The following WAPL variants were observed in gnomAD, a reference collection of about 807,000 sequenced individuals.
WAPL encodes WAPL cohesin release factor, also known as wings apart-like protein homolog.
Under a neutral mutation model 121.0 loss-of-function variants are expected in WAPL, and 5 were observed. The observed-to-expected ratio is 0.04, with a 90% confidence interval of 0.02 to 0.09. The LOEUF (loss-of-function observed/expected upper bound fraction) is 0.09, where lower values mean the gene tolerates loss of function less well. Ranked by LOEUF, WAPL falls within the 10% of genes least tolerant of loss-of-function variation. WAPL has a pLI of 1.00. For synonymous variants in WAPL, 480 were observed against 481.5 expected, an observed-to-expected ratio of 1.00 and a Z score of 0.04; for missense variants, 999 against 1,410.8, an observed-to-expected ratio of 0.71 and a Z score of 4.68.
intron 1 of WAPL, among the ~76,000 whole-genome samples, chr10:86,520,203 G>A (rs1842646063): frequency 6.6e-6 from 1 of 152,196 alleles, no homozygotes; most frequent in Non-Finnish European, 1.5e-5. Context: ...GCTGGGGCAG[G>A]AGAATCAATT....
intron 15 of WAPL, among the ~76,000 whole-genome samples, chr10:86,451,469 C>T (rs973767632): frequency 6.6e-6 from 1 of 151,954 alleles, no homozygotes; most frequent in African/African-American, 2.4e-5. Context: ...CGGCTCACCG[C>T]AACTTCCACC....
rs1849295117 is a variant in WAPL, at chr10:86,435,448, G to A, written c.*2095C>T. On this transcript the variant is annotated 3_prime_UTR_variant, in exon 19 of 19. Transcript: ENST00000298767. ...ACTCTACTGTTCTAATTTCCAATTG[G>A]TAGTATTTACAGAAATATTTACAAT... 6.6e-6 allele frequency: 1 copy of A among 152,528 alleles called. No individual in the cohort carries two copies. The highest frequency in any genetic ancestry group is 1.5e-5 in the Non-Finnish European group (1 of 68,032). 9.4% of individuals were successfully genotyped at this position (152,528 alleles called of 1,614,324 possible).
chr10:86,481,092 A>T (rs961621630), intron 4 of WAPL, among the ~76,000 whole-genome samples: 1 of 152,224 alleles, frequency 6.6e-6, no homozygotes, highest in Non-Finnish European at 1.5e-5. Context: ...TAATAACAGG[A>T]CATGCTGAAA....
At chr10:86,443,654 A>C (rs904945594) in intron 16 of WAPL, 4 of 330,574 alleles carry the variant, frequency 1.2e-5, no homozygotes, top group African/African-American at 2.1e-5. Flanking sequence ...CAAATCATGA[A>C]CTTGATAAGG....
rs768044427 is a variant in WAPL at position 86,517,666 on chromosome 10, G to C, written c.404C>G (p.Pro135Arg). 3.1e-6 allele frequency: 5 copies of C among 1,613,936 alleles called. No individual in the cohort carries two copies. In the African/African-American group the frequency reaches 4.0e-5, roughly 13 times the overall value. Residue 135 changes from proline (P) to arginine (R), a missense_variant, in exon 2 of 19, where the codon CCT (proline) becomes CGT (arginine). Physicochemically the swap from Pro to Arg is moderately radical, Grantham distance 103. Around this residue, in one of 7 missense-constraint regions of WAPL, gnomAD observed 531 missense variants for 563.1 expected, o/e 0.94. Coordinates refer to ENST00000298767, the MANE Select transcript of WAPL (RefSeq NM_015045.5). ...EDTVVSDKCF[P>R]LEDTLLGKEK... Reference sequence around the variant, plus strand: ...TTTCCCAAGTAAAGTGTCCTCCAAAGGGAAGCATTTATCAGAAACGACAGT... The same window carrying C: ...TTTCCCAAGTAAAGTGTCCTCCAAACGGAAGCATTTATCAGAAACGACAGT...
chr10:86,452,390 G>A (rs554790701), intron 14 of WAPL, among the ~76,000 whole-genome samples: 30 of 152,176 alleles, frequency 2.0e-4, no homozygotes, highest in South Asian at 1.0e-3. Context: ...CCAGGAGCTC[G>A]AGACCAACCT....
In WAPL at chr10:86,500,686, T is replaced by C. The variant is rs1842231523; in HGVS notation, c.557A>G (p.Asn186Ser). ...HEKNSHHIHK[N>S]ADDSTKKPNA... The stretch of plus-strand genomic sequence containing the variant: ...GGGTTTCTTAGTACTGTCATCAGCA[T>C]TTTTGTGAATATGGTGACTATTCTT... The change falls in exon 3 of 19, where the codon AAT becomes AGT. Residue 186 changes from asparagine (N) to serine (S), a missense_variant. By Grantham distance (46) the Asn-to-Ser change is conservative. Around this residue, in one of 7 missense-constraint regions of WAPL, gnomAD observed 531 missense variants for 563.1 expected, o/e 0.94. Transcript: ENST00000298767. The C allele has an allele frequency of 2.5e-6, 4 of 1,600,980 alleles. No individual in the cohort carries two copies. In the East Asian group the frequency reaches 6.7e-5, roughly 27 times the overall value.
At chr10:86,507,769 A>T (rs996971389) in intron 2 of WAPL, among the ~76,000 whole-genome samples, 1 of 151,582 alleles carries the variant, frequency 6.6e-6, no homozygotes. Flanking sequence ...TGCTTGTGCC[A>T]GTACTCCCAT....
chr10:86,437,464 G>A lies in WAPL; in HGVS notation c.*79C>T, dbSNP rs1849352285. The A allele has an allele frequency of 6.9e-7, 1 of 1,447,180 alleles. No homozygotes were observed. Among genetic ancestry groups the A allele is most frequent in the Non-Finnish European group, 9.5e-7 (1 of 1,052,402 alleles). 89.6% of individuals were successfully genotyped at this position (1,447,180 alleles called of 1,614,324 possible). On this transcript the variant is annotated 3_prime_UTR_variant, in exon 19 of 19. Transcript: ENST00000298767. ...TGAATGTTCTTGGTATATCTTCAAG[G>A]ACTTCTTTCATGACTTGACTTTTCT...
chr10:86,435,782 A>C lies in WAPL; in HGVS notation c.*1761T>G, dbSNP rs1385590290. The C allele has an allele frequency of 6.6e-6, 1 of 152,350 alleles. No homozygotes were observed. The highest frequency in any genetic ancestry group is 1.5e-5 in the Non-Finnish European group (1 of 68,026). The allele number at this position is 152,350 out of a possible 1,614,324, so 9.4% of individuals were successfully genotyped here. ...CAAATGTTTTATAATATTCCTTACC[A>C]TCTGCCACAAGTCAGGTTCACCAAA... On this transcript the variant is annotated 3_prime_UTR_variant, in exon 19 of 19. Coordinates refer to ENST00000298767, the MANE Select transcript of WAPL (RefSeq NM_015045.5).
In WAPL at chr10:86,473,896, T is replaced by C. The variant is rs763634482; in HGVS notation, c.1722A>G (p.Val574=). 1 of 1,613,878 alleles carries C rather than the reference T, an allele frequency of 6.2e-7. No individual in the cohort carries two copies. The highest frequency in any genetic ancestry group is 8.5e-7 in the Non-Finnish European group (1 of 1,179,792). Residue 574 remains valine, a synonymous_variant, in exon 5 of 19, where the codon GTA becomes GTG. Transcript: ENST00000298767. ...DSEELPGPPV[V]KPQSVTVRLS... ...CACTTACTGTGACACTCTGAGGTTT[T>C]ACTACTGGTGGCCCAGGCAGTTCTT... is the stretch of plus-strand genomic sequence containing the variant.
chr10:86,480,672 T>G (rs980249573), intron 4 of WAPL, among the ~76,000 whole-genome samples: 3 of 152,208 alleles, frequency 2.0e-5, no homozygotes, highest in Non-Finnish European at 2.9e-5. Context: ...ATATCCATTC[T>G]CCCCTTCATT....
At chr10:86,489,204 T>C (rs190487141) in intron 4 of WAPL, among the ~76,000 whole-genome samples, 2 of 151,886 alleles carry the variant, frequency 1.3e-5, no homozygotes, top group East Asian at 1.9e-4. Flanking sequence ...TGAAGGAGAG[T>C]AGAGACTTGT....
rs1849323340 is a variant in WAPL at position 86,436,424 on chromosome 10, CAAGAA to C, written c.*1114_*1118del. The C allele has an allele frequency of 6.9e-6, 1 of 144,252 alleles. No homozygotes were observed. Among genetic ancestry groups the C allele is most frequent in the Non-Finnish European group, 1.5e-5 (1 of 65,624 alleles). The allele number at this position is 144,252 out of a possible 1,614,324, so 8.9% of individuals were successfully genotyped here. A position where few individuals can be genotyped will look rare whatever the true frequency, so the allele number is the denominator to read the frequency against. ...AGTATAACCAGTGGTGTGAATAATA[CAAGAA>C]AAATTTGCAATGTTATGATATTAAA... On this transcript the variant is annotated 3_prime_UTR_variant, in exon 19 of 19. Transcript: ENST00000298767.
rs1564568083 is a variant in WAPL, at chr10:86,460,516, CG to C, written c.2483-21del. On this transcript the variant is annotated intron_variant, in intron 10 of 18. Coordinates refer to ENST00000298767, the MANE Select transcript of WAPL (RefSeq NM_015045.5). ...CTTTTACTAGGTGAAAAGAAACAAA[CG>C]TAAGTTAGTATTTATCATCGATACT... is the stretch of plus-strand genomic sequence containing the variant. The C allele has an allele frequency of 1.3e-6, 2 of 1,592,638 alleles. No individual in the cohort carries two copies. Among genetic ancestry groups the C allele is most frequent in the Admixed American group, 1.7e-5 (1 of 59,392 alleles).
intron 2 of WAPL, among the ~76,000 whole-genome samples, chr10:86,515,124 G>A (rs758895142): frequency 4.6e-5 from 7 of 151,972 alleles, no homozygotes; most frequent in African/African-American, 9.7e-5. Flanking sequence ...GCAGGGCATG[G>A]TGGCAGGTGC....
chr10:86,514,999 C>T (rs1209112735), intron 2 of WAPL, among the ~76,000 whole-genome samples: 2 of 152,198 alleles, frequency 1.3e-5, no homozygotes, highest in Non-Finnish European at 2.9e-5. Context: ...GTGGCTCACG[C>T]CTATATTCCC....
chr10:86,500,800 AAT>A (rs1308904788), intron 2 of WAPL, 57 bp from the exon 3 acceptor site: 2 of 1,338,580 alleles, frequency 1.5e-6, no homozygotes, highest in East Asian at 4.8e-5. Flanking sequence ...AAAGTTAATA[AAT>A]AACATATATG....
At chr10:86,516,765 A>T (rs1256671706) in intron 2 of WAPL, among the ~76,000 whole-genome samples, 2 of 152,166 alleles carry the variant, frequency 1.3e-5, no homozygotes, top group Non-Finnish European at 2.9e-5. Flanking sequence ...TAACATTTTT[A>T]AAATACAACC....
Sources: gnomAD v4.1 joint callset for allele counts (sites outside exome capture counted in the v4.1 genomes callset) on GRCh38, gnomAD v4.1.1 for gene constraint, gnomAD v4.1.1 regional missense constraint, MANE v1.5 for transcripts, NCBI Gene and HGNC (gene_info 2026-07-23, HGNC 2026-07-21) for gene names.